Variants in AGO1 observed in about 807,000 individuals in gnomAD.
AGO1 encodes the protein protein argonaute-1.
A neutral mutation model predicts 109.2 loss-of-function variants in AGO1; 11 were observed. The observed-to-expected ratio is 0.10, with a 90% CI of 0.06 to 0.17. The LOEUF is 0.17. AGO1 is among the 10% of genes least tolerant of loss of function. AGO1 has a pLI of 1.00. For missense variants in AGO1, 574 were observed against 1,140.3 expected, an observed-to-expected ratio of 0.50 and a Z score of 7.15; for synonymous variants, 422 against 418.6, an observed-to-expected ratio of 1.01 and a Z score of -0.10.
chr1:35,872,175 A>G (rs972605963), intron 1 of AGO1, among the ~76,000 whole-genome samples: 7 of 149,252 alleles, frequency 4.7e-5, no homozygotes, highest in African/African-American at 1.7e-4. Flanking sequence ...TTTTAAACTA[A>G]TGACTCAATT....
At chr1:35,870,930 TATC>T (rs1644944553) in intron 1 of AGO1, among the ~76,000 whole-genome samples, 1 of 152,184 alleles carries the variant, frequency 6.6e-6, no homozygotes, top group Non-Finnish European at 1.5e-5. Flanking sequence ...TGTCACTCAG[TATC>T]ATGTTTCTGA....
intron 8 of AGO1, among the ~76,000 whole-genome samples, chr1:35,900,374 G>A (rs1206696945): frequency 6.6e-6 from 1 of 152,160 alleles, no homozygotes; most frequent in East Asian, 1.9e-4. Flanking sequence ...ACTATACTCA[G>A]TCCTTTAAGT....
chr1:35,903,058 T>G (rs1417738704), intron 11 of AGO1, among the ~76,000 whole-genome samples: 1 of 145,860 alleles, frequency 6.9e-6, no homozygotes, highest in Non-Finnish European at 1.5e-5. Context: ...CATGCTGGAG[T>G]GCAGTGGCAC....
chr1:35,930,016 A>C lies in AGO1; in HGVS notation c.*10409A>C, dbSNP rs563919064. The C allele has an allele frequency of 1.2e-4, 19 of 152,348 alleles. No individual in the cohort carries two copies. The highest frequency in any genetic ancestry group is 4.1e-4 in the African/African-American group (17 of 41,578). The allele number at this position is 152,348 out of a possible 1,614,324, so 9.4% of individuals were successfully genotyped here. On this transcript the variant is annotated 3_prime_UTR_variant, in exon 19 of 19. Coordinates refer to ENST00000373204, the MANE Select transcript of AGO1 (RefSeq NM_012199.5). ...TAAAAAATTATTTTGATTAAAAAAA[A>C]CCGTATTACTGAAGCATAGGGACAT...
At chr1:35,876,877 G>A (rs529680344) in intron 1 of AGO1, among the ~76,000 whole-genome samples, 47 of 152,166 alleles carry the variant, frequency 3.1e-4, no homozygotes, top group African/African-American at 1.1e-3. Flanking sequence ...CGACCACCTG[G>A]GCTGGGCTTA....
chr1:35,905,603 A>C (rs1314672636), intron 11 of AGO1, among the ~76,000 whole-genome samples: 2 of 151,982 alleles, frequency 1.3e-5, no homozygotes, highest in African/African-American at 4.8e-5. Context: ...AGTAGCTGGG[A>C]TTACAGGCAC....
chr1:35,917,237 T>G (rs1364075445), intron 15 of AGO1, among the ~76,000 whole-genome samples: 1 of 152,190 alleles, frequency 6.6e-6, no homozygotes, highest in African/African-American at 2.4e-5. Flanking sequence ...GAACTCTCAT[T>G]AGTCACCTGA....
chr1:35,892,782 A>G (rs1645244983), intron 3 of AGO1, 105 bp downstream of exon 3: 1 of 1,512,772 alleles, frequency 6.6e-7, no homozygotes, highest in East Asian at 2.3e-5. Context: ...TTTTGTGCTG[A>G]GAAAGTATGT....
rs1472524980 is a variant in AGO1 at position 35,902,121 on chromosome 1, G to A, written c.1263+51G>A. The A allele has an allele frequency of 5.7e-6, 9 of 1,584,846 alleles. No individual in the cohort carries two copies. In the South Asian group the frequency reaches 9.2e-5, roughly 16 times the overall value. On this transcript the variant is annotated intron_variant, in intron 10 of 18. Transcript: ENST00000373204. ...ATCTCGGGGCATATGGGGGTGGTTG[G>A]GTTGTATAGCCAGGGGCTTTTGCTC...
At chr1:35,914,313 C>G (rs1645695661) in intron 14 of AGO1, 39 bp downstream of exon 14, 1 of 1,556,646 alleles carries the variant, frequency 6.4e-7, no homozygotes. Context: ...AGGTTCTCCT[C>G]TTCGCTCTGA....
chr1:35,883,471 G>A lies in AGO1; in HGVS notation c.25+25G>A. 6.4e-7 allele frequency: 1 copy of A among 1,551,406 alleles called. No individual in the cohort carries two copies. Among genetic ancestry groups the A allele is most frequent in the East Asian group, 2.6e-5 (1 of 38,458 alleles). Reference sequence around the variant, plus strand: ...GGTAAGGGTCCCCAGGAGGGGGAACGGTGCATGCTCCAAGGACTGGGGGAT... The same window carrying A: ...GGTAAGGGTCCCCAGGAGGGGGAACAGTGCATGCTCCAAGGACTGGGGGAT... On this transcript the variant is annotated intron_variant, in intron 1 of 18. Transcript: ENST00000373204. This position sits in a 1 kb window ranked among gnomAD's most constrained non-coding sequence, Gnocchi z 5.4.
At chr1:35,902,443 T>C in intron 11 of AGO1, 106 bp downstream of exon 11, 12 of 1,398,304 alleles carry the variant, frequency 8.6e-6, no homozygotes, top group Non-Finnish European at 1.1e-5. Flanking sequence ...TGTTCTGTCT[T>C]GACTCTGCCT....
At chr1:35,883,122 C>T (rs1240309270), upstream of AGO1, 19 of 1,093,820 alleles carry the variant, frequency 1.7e-5, no homozygotes, top group Non-Finnish European at 1.8e-5. This position sits in a 1 kb window ranked among gnomAD's most constrained non-coding sequence, Gnocchi z 5.4. Flanking sequence ...GGTGCCCCCG[C>T]CCCTCTCCAT....
In AGO1 at chr1:35,915,444, G is replaced by T; in HGVS notation, c.1930G>T (p.Val644Leu). ...QEIIEDLSYM[V>L]RELLIQFYKS... is the part of the protein sequence containing the mutation. ...GATCATTGAAGACTTGTCCTACATG[G>T]TGCGTGAGCTCCTCATCCAATTCTA... is the stretch of plus-strand genomic sequence containing the variant. Residue 644 changes from valine (V) to leucine (L), a missense_variant, in exon 15 of 19, where the codon GTG (valine) becomes TTG (leucine). Coordinates refer to ENST00000373204, the MANE Select transcript of AGO1 (RefSeq NM_012199.5). 1 of 1,614,082 alleles carries T rather than the reference G, an allele frequency of 6.2e-7. No individual in the cohort carries two copies.
Position 35,893,108 on chromosome 1 carries a change from G to C in AGO1, c.342G>C (p.Glu114Asp), listed in dbSNP as rs1479111626. The part of the protein sequence containing the change: ...LPIGNERVDF[E>D]VTIPGEGKDR... ...TCACCCTCCTGAAGGTCGACTTTGAGGTGACAATCCCTGGGGAAGGGAAGG... is the reference window on the plus strand; with the variant it reads ...TCACCCTCCTGAAGGTCGACTTTGACGTGACAATCCCTGGGGAAGGGAAGG... Residue 114 changes from glutamate (E) to aspartate (D), a missense_variant, in exon 4 of 19, where the codon GAG becomes GAC. Physicochemically the swap from Glu to Asp is conservative, Grantham distance 45. This residue lies in a region of AGO1 where 129 missense variants were observed against 243.0 expected (regional missense o/e 0.53). Transcript: ENST00000373204. The surrounding 1 kb of genome is among the most constrained non-coding windows in gnomAD (Gnocchi z 5.6). The C allele has an allele frequency of 8.1e-6, 13 of 1,614,012 alleles. No homozygotes were observed. The highest frequency in any genetic ancestry group is 1.1e-5 in the Non-Finnish European group (13 of 1,179,954).
At chr1:35,881,901 C>CT (rs1645040990), upstream of AGO1, among the ~76,000 whole-genome samples, 1 of 152,170 alleles carries the variant, frequency 6.6e-6, no homozygotes, top group African/African-American at 2.4e-5. Context: ...TTCCCAGAAA[C>CT]TTTGAGACTA....
At chr1:35,889,619 C>T (rs551543430) in intron 2 of AGO1, among the ~76,000 whole-genome samples, 113 of 152,188 alleles carry the variant, frequency 7.4e-4, no homozygotes, top group Non-Finnish European at 1.1e-3. Flanking sequence ...TCCTTACTAT[C>T]CTGGTCTCTA....
intron 1 of AGO1, among the ~76,000 whole-genome samples, chr1:35,871,788 G>A (rs1383382459): frequency 6.6e-6 from 1 of 151,840 alleles, no homozygotes; most frequent in Non-Finnish European, 1.5e-5. Flanking sequence ...AATAATTGTT[G>A]CCTGGGTGCG....
At chr1:35,873,344 A>T (rs1345119459) in intron 1 of AGO1, 1 of 154,098 alleles carries the variant, frequency 6.5e-6, no homozygotes, top group Non-Finnish European at 1.5e-5. Flanking sequence ...CTGATTGCTT[A>T]CTCTAACACC....
Sources: gnomAD v4.1 joint callset for allele counts (sites outside exome capture counted in the v4.1 genomes callset) on GRCh38, gnomAD v4.1.1 for gene constraint, gnomAD v4.1.1 regional missense constraint, Gnocchi (gnomAD v3.1) non-coding constraint, MANE v1.5 for transcripts, NCBI Gene and HGNC (gene_info 2026-07-23, HGNC 2026-07-21) for gene names.